Variants in TBC1D12 observed in about 807,000 individuals in gnomAD.
The protein encoded by TBC1D12 is TBC1 domain family, member 12.
In TBC1D12, 56 loss-of-function variants were observed where a neutral mutation model predicts 86.7. The ratio of observed to expected loss-of-function variants is 0.65; its 90% CI spans 0.52 to 0.81. The LOEUF is 0.81. Ranked by LOEUF, TBC1D12 falls within the 30% of genes least tolerant of loss-of-function variation. The probability of loss-of-function intolerance (pLI) is 0.00; values close to 1 mark genes in which losing one functional copy is unlikely to be tolerated. For synonymous variants in TBC1D12, 421 were observed against 411.7 expected (o/e 1.02, Z -0.27); for missense variants, 1,023 against 1,038.8 (o/e 0.98, Z 0.21).
In TBC1D12 at chr10:94,402,983, G is replaced by C; in HGVS notation, c.370G>C (p.Asp124His). ...CAAACACCGCGGCGCGGAGGTGGCT[G>C]ATGGCCGCGCGCCGCGGCACGAAGG... ...GSKHRGAEVA[D>H]GRAPRHEGMT... The change falls in exon 1 of 13, where the codon GAT becomes CAT. Residue 124 changes from aspartate (D) to histidine (H), a missense_variant. This residue lies in a region of TBC1D12 where 628 missense variants were observed against 531.1 expected (regional missense o/e 1.18). Coordinates refer to ENST00000225235, the MANE Select transcript of TBC1D12 (RefSeq NM_015188.2). 1 of 1,575,846 alleles carries C rather than the reference G, an allele frequency of 6.3e-7. No homozygotes were observed. Among genetic ancestry groups the C allele is most frequent in the East Asian group, 2.5e-5 (1 of 40,222 alleles).
intron 1 of TBC1D12, among the ~76,000 whole-genome samples, chr10:94,435,371 G>T (rs2055279579): frequency 6.6e-6 from 1 of 152,056 alleles, no homozygotes; most frequent in Non-Finnish European, 1.5e-5. Context: ...GTATTATCAG[G>T]TTTCTTAGGT....
chr10:94,449,214 T>C (rs1211512641), intron 2 of TBC1D12, among the ~76,000 whole-genome samples: 1 of 152,216 alleles, frequency 6.6e-6, no homozygotes, highest in Non-Finnish European at 1.5e-5. Flanking sequence ...ACTGTTTTGC[T>C]TATCAACATT....
intron 2 of TBC1D12, among the ~76,000 whole-genome samples, chr10:94,446,726 C>G (rs1321161084): frequency 6.6e-6 from 1 of 152,036 alleles, no homozygotes; most frequent in Non-Finnish European, 1.5e-5. Flanking sequence ...TTAAACCAAA[C>G]ATTTCTTTAA....
intron 8 of TBC1D12, among the ~76,000 whole-genome samples, 156 bp downstream of exon 8, chr10:94,510,335 A>G (rs976318308): frequency 5.3e-5 from 8 of 152,224 alleles, no homozygotes; most frequent in Non-Finnish European, 8.8e-5. Context: ...ATAAAATTAT[A>G]AAGGAATTTC....
At chr10:94,511,813 C>T (rs1157538057) in intron 9 of TBC1D12, among the ~76,000 whole-genome samples, 159 bp downstream of exon 9, 1 of 152,180 alleles carries the variant, frequency 6.6e-6, no homozygotes, top group Admixed American at 6.5e-5. Context: ...CTATCTCTTG[C>T]CAAGAGCTTA....
intron 1 of TBC1D12, among the ~76,000 whole-genome samples, chr10:94,412,058 G>A (rs372908662): frequency 2.0e-5 from 3 of 152,178 alleles, no homozygotes; most frequent in East Asian, 3.8e-4. Context: ...GGATGGTATG[G>A]TGCTTAAAAA....
chr10:94,403,462 G>A lies in TBC1D12; in HGVS notation c.849G>A (p.Gln283=), dbSNP rs1589592885. The part of the protein sequence containing the change: ...SRNTFQVSRG[Q]SARDHLPPAG... ...ACACGTTCCAGGTGAGCCGCGGTCA[G>A]AGCGCCCGCGATCACCTGCCCCCGG... Residue 283 remains glutamine (Q), a synonymous_variant, in exon 1 of 13, where the codon CAG becomes CAA. Coordinates refer to ENST00000225235, the MANE Select transcript of TBC1D12 (RefSeq NM_015188.2). 1 of 1,542,812 alleles carries A rather than the reference G, an allele frequency of 6.5e-7. No individual in the cohort carries two copies. The highest frequency in any genetic ancestry group is 1.2e-5 in the South Asian group (1 of 83,444).
chr10:94,519,722 C>T (rs930648031), intron 9 of TBC1D12, among the ~76,000 whole-genome samples: 2 of 152,122 alleles, frequency 1.3e-5, no homozygotes, highest in Non-Finnish European at 2.9e-5. Flanking sequence ...GCCTACATTC[C>T]TTAGCTCATG....
intron 3 of TBC1D12, among the ~76,000 whole-genome samples, chr10:94,487,125 C>G (rs78545450): frequency 0.022 from 3,341 of 152,038 alleles, 127 homozygotes; most frequent in African/African-American, 0.074. Context: ...AATATAGCGA[C>G]TCTTTCTCCT....
chr10:94,531,376 A>G lies in TBC1D12; in HGVS notation c.2175A>G (p.Lys725=). Residue 725 remains lysine (K), a synonymous_variant, in exon 12 of 13, where the codon AAA becomes AAG. Coordinates refer to ENST00000225235, the MANE Select transcript of TBC1D12 (RefSeq NM_015188.2). ...DFIHIAQFLT[K]LPEDITSEKL... is the part of the protein sequence containing the mutation. ...TTCATATAGCACAGTTTCTAACTAA[A>G]TTGCCAGAAGATATCACATCGGAAA... The G allele has an allele frequency of 1.9e-6, 3 of 1,614,136 alleles. No homozygotes were observed. Among genetic ancestry groups the G allele is most frequent in the Non-Finnish European group, 2.5e-6 (3 of 1,180,008 alleles).
intron 11 of TBC1D12, among the ~76,000 whole-genome samples, chr10:94,530,127 C>A (rs1047117099): frequency 3.9e-5 from 6 of 151,950 alleles, no homozygotes; most frequent in African/African-American, 1.5e-4. Context: ...TTCCTCAAAC[C>A]CCATCAGCAC....
intron 1 of TBC1D12, among the ~76,000 whole-genome samples, chr10:94,437,059 A>ATT (rs201479382): frequency 1.1e-4 from 16 of 147,906 alleles, no homozygotes; most frequent in East Asian, 7.9e-4. Flanking sequence ...TTGGTGGACA[A>ATT]TTTTTTTTTT....
chr10:94,519,997 C>T (rs1211204431), intron 9 of TBC1D12, among the ~76,000 whole-genome samples: 2 of 152,184 alleles, frequency 1.3e-5, no homozygotes, highest in Admixed American at 6.5e-5. Context: ...ATGCCTACTA[C>T]AGTCCCTGTC....
chr10:94,438,075 T>A (rs921845062), intron 1 of TBC1D12, among the ~76,000 whole-genome samples: 1 of 150,978 alleles, frequency 6.6e-6, no homozygotes, highest in Non-Finnish European at 1.5e-5. Flanking sequence ...TCAGGGAAGA[T>A]TTTTGTCAAA....
chr10:94,527,384 T>C (rs1021173249), intron 11 of TBC1D12, among the ~76,000 whole-genome samples: 14 of 151,404 alleles, frequency 9.2e-5, no homozygotes, highest in Non-Finnish European at 1.9e-4. Context: ...CCATGGTGCC[T>C]GGCGTTTGTT....
At chr10:94,463,390 A>G (rs1046557967) in intron 2 of TBC1D12, among the ~76,000 whole-genome samples, 2 of 152,202 alleles carry the variant, frequency 1.3e-5, no homozygotes, top group Admixed American at 6.5e-5. Context: ...TCCCAGGGCA[A>G]TGCAGGGCGT....
chr10:94,414,670 G>A (rs1185238957), intron 1 of TBC1D12, among the ~76,000 whole-genome samples: 2 of 150,962 alleles, frequency 1.3e-5, no homozygotes, highest in Non-Finnish European at 2.9e-5. Flanking sequence ...TGCGATCTCG[G>A]CTCTCTGCCA....
intron 2 of TBC1D12, among the ~76,000 whole-genome samples, chr10:94,456,555 T>C (rs1012898298): frequency 6.6e-6 from 1 of 152,220 alleles, no homozygotes; most frequent in Non-Finnish European, 1.5e-5. Flanking sequence ...TTCTGTTATT[T>C]TAAACTTGTT....
chr10:94,469,318 C>G (rs1293417847), intron 2 of TBC1D12, among the ~76,000 whole-genome samples: 1 of 152,044 alleles, frequency 6.6e-6, no homozygotes, highest in Non-Finnish European at 1.5e-5. Context: ...GCTTGTAGCT[C>G]CTCAGGTTAT....
Sources: gnomAD v4.1 joint callset for allele counts (sites outside exome capture counted in the v4.1 genomes callset) on GRCh38, gnomAD v4.1.1 for gene constraint, gnomAD v4.1.1 regional missense constraint, MANE v1.5 for transcripts, NCBI Gene and HGNC (gene_info 2026-07-23, HGNC 2026-07-21) for gene names.